The following DIAPH1 variants were observed in gnomAD, a reference collection of about 807,000 sequenced individuals.
DIAPH1 encodes the protein protein diaphanous homolog 1.
In DIAPH1, 46 loss-of-function variants were observed where a neutral mutation model predicts 140.7. The observed-to-expected ratio is 0.33, with a 90% CI of 0.26 to 0.42. The LOEUF is 0.42. Among genes scored for constraint, DIAPH1 ranks in the 10% least tolerant of loss-of-function variants. The pLI is 1.00. For synonymous variants in DIAPH1, 565 were observed against 551.6 expected (o/e 1.02, Z -0.34); for missense variants, 1,310 against 1,558.7 (o/e 0.84, Z 2.69).
chr5:141,572,191 G>T (rs1424774532), intron 16 of DIAPH1, 151 bp from the exon 17 acceptor site: 2 of 695,976 alleles, frequency 2.9e-6, no homozygotes, highest in East Asian at 2.7e-5. Flanking sequence ...AATAGCTGCA[G>T]TGGGATTAGG....
intron 18 of DIAPH1, 70 bp from the exon 19 acceptor site, chr5:141,534,503 G>T: frequency 1.6e-6 from 2 of 1,251,356 alleles, no homozygotes; most frequent in Non-Finnish European, 1.2e-6. Flanking sequence ...AGCAACTACT[G>T]TCCAGCGTGA....
chr5:141,572,396 G>A (rs1488739329), intron 16 of DIAPH1, among the ~76,000 whole-genome samples: 1 of 152,148 alleles, frequency 6.6e-6, no homozygotes, highest in Non-Finnish European at 1.5e-5. Context: ...CATTTTATGA[G>A]CAAATCCCTA....
At chr5:141,580,283 A>G (rs577321248) in intron 8 of DIAPH1, among the ~76,000 whole-genome samples, 2 of 152,328 alleles carry the variant, frequency 1.3e-5, no homozygotes, top group South Asian at 2.1e-4. Context: ...AAGGGAACGC[A>G]ATATGTTTGT....
At chr5:141,574,917 T>C in intron 15 of DIAPH1, 50 bp downstream of exon 15, 1 of 1,605,828 alleles carries the variant, frequency 6.2e-7, no homozygotes, top group Non-Finnish European at 8.5e-7. Context: ...TTCCAAGCCA[T>C]GTGCATCCTG....
chr5:141,553,945 C>T (rs2099892153), intron 18 of DIAPH1, among the ~76,000 whole-genome samples: 1 of 152,032 alleles, frequency 6.6e-6, no homozygotes. Flanking sequence ...GAACAAAATA[C>T]AGGACTGAAC....
intron 18 of DIAPH1, among the ~76,000 whole-genome samples, chr5:141,548,859 G>A (rs1329051686): frequency 1.3e-5 from 2 of 152,024 alleles, no homozygotes; most frequent in African/African-American, 2.4e-5. Context: ...TTATCTAGAG[G>A]GTAGTAAAAT....
At chr5:141,559,266 A>C (rs898390251) in intron 18 of DIAPH1, among the ~76,000 whole-genome samples, 1 of 152,224 alleles carries the variant, frequency 6.6e-6, no homozygotes, top group Admixed American at 6.5e-5. Flanking sequence ...TAAATTCAGC[A>C]CTTTAAAACA....
Position 141,524,246 on chromosome 5 carries a change from G to T in DIAPH1, c.3575-17C>A. On this transcript the variant is annotated splice_polypyrimidine_tract_variant and intron_variant, in intron 26 of 27. Coordinates refer to ENST00000389054, the MANE Select transcript of DIAPH1 (RefSeq NM_005219.5). Reference sequence around the variant, plus strand: ...CATCGCCCTCTGTTATAAAGAACAAGATGGAGATGTGAACTCTTCAGCCAG... The same window carrying T: ...CATCGCCCTCTGTTATAAAGAACAATATGGAGATGTGAACTCTTCAGCCAG... 2 of 1,610,080 alleles carry T rather than the reference G, an allele frequency of 1.2e-6. No homozygotes were observed. The highest frequency in any genetic ancestry group is 1.7e-6 in the Non-Finnish European group (2 of 1,176,274).
intron 18 of DIAPH1, chr5:141,561,729 G>A (rs927445269): frequency 2.0e-5 from 3 of 152,082 alleles, no homozygotes; most frequent in African/African-American, 7.2e-5. Context: ...ATTGTAATAA[G>A]GTGTACATAA....
At chr5:141,572,146 A>G in intron 16 of DIAPH1, 106 bp from the exon 17 acceptor site, 1 of 775,788 alleles carries the variant, frequency 1.3e-6, no homozygotes, top group Non-Finnish European at 2.3e-6. Flanking sequence ...ATTATCAGCA[A>G]TGTCTTACTA....
rs367669306 is a variant in DIAPH1 at position 141,573,886 on chromosome 5, G to T, written c.1964C>A (p.Pro655His). 25 of 1,545,092 alleles carry T rather than the reference G, an allele frequency of 1.6e-5. No individual in the cohort carries two copies. Among genetic ancestry groups the T allele is most frequent in the Middle Eastern group, 1.7e-4 (1 of 5,958 alleles). ...LSGDATIPPPPPLPEGVGIPS... is the reference protein window; with the variant it reads ...LSGDATIPPPHPLPEGVGIPS... ...GATGCCAACACCCTCAGGCAAAGGAGGGGGTGGAGGGATGGTAGCATCCCC... is the reference window on the plus strand; with the variant it reads ...GATGCCAACACCCTCAGGCAAAGGATGGGGTGGAGGGATGGTAGCATCCCC... The change falls in exon 16 of 28, where the codon CCT (proline) becomes CAT (histidine). Residue 655 changes from proline (P) to histidine (H), a missense_variant. Pro to His is a moderately conservative substitution (Grantham distance 77). Around this residue, in one of 3 missense-constraint regions of DIAPH1, gnomAD observed 589 missense variants for 549.3 expected, o/e 1.07. Transcript: ENST00000389054.
chr5:141,592,487 TAAC>T (rs200242814), intron 1 of DIAPH1, among the ~76,000 whole-genome samples: 66,132 of 143,944 alleles, frequency 0.46, 15,546 homozygotes, highest in African/African-American at 0.66. Flanking sequence ...CATGACAAGT[TAAC>T]AACAACAACA....
chr5:141,566,803 G>A (rs2099894441), intron 18 of DIAPH1, among the ~76,000 whole-genome samples: 1 of 152,192 alleles, frequency 6.6e-6, no homozygotes, highest in African/African-American at 2.4e-5. Context: ...GCTGAGGCAG[G>A]AGAATTGCTT....
chr5:141,569,667 CAGGAGA>C (rs1481522421), intron 18 of DIAPH1, among the ~76,000 whole-genome samples: 1 of 152,058 alleles, frequency 6.6e-6, no homozygotes, highest in African/African-American at 2.4e-5. Context: ...GAGGCTGAGG[CAGGAGA>C]ATCCCTTGAA....
At chr5:141,555,409 G>C (rs2099892409) in intron 18 of DIAPH1, among the ~76,000 whole-genome samples, 1 of 152,180 alleles carries the variant, frequency 6.6e-6, no homozygotes, top group Non-Finnish European at 1.5e-5. Context: ...CAGCAGTAAA[G>C]ACAGGCAGTC....
chr5:141,607,423 T>C (rs2099901147), intron 1 of DIAPH1, among the ~76,000 whole-genome samples: 1 of 152,244 alleles, frequency 6.6e-6, no homozygotes, highest in South Asian at 2.1e-4. Context: ...TAAACTTAAC[T>C]TTTTAAACTC....
At chr5:141,577,966 C>G in intron 11 of DIAPH1, 1 of 566,930 alleles carries the variant, frequency 1.8e-6, no homozygotes, top group Non-Finnish European at 3.2e-6. Flanking sequence ...GCTAAGCTAT[C>G]ACATTCTAGG....
rs76284251 is a variant in DIAPH1, at chr5:141,581,374, T to C, written c.685-491A>G. On this transcript the variant is annotated intron_variant, in intron 7 of 27. Transcript: ENST00000389054. Reference sequence around the variant, plus strand: ...GAGATAATAAATTTCTGTTAAGATATCTAATTTTGTGGTACACTAGCAAAT... The same window carrying C: ...GAGATAATAAATTTCTGTTAAGATACCTAATTTTGTGGTACACTAGCAAAT... Among the ~76,000 whole-genome samples, 1,949 of 152,322 alleles carry C rather than the reference T, an allele frequency of 0.013. 140 individuals carry two copies. The East Asian group carries it at 0.23, about 18-fold the overall frequency.
intron 27 of DIAPH1, among the ~76,000 whole-genome samples, chr5:141,520,637 C>T (rs2099886380): frequency 6.6e-6 from 1 of 152,178 alleles, no homozygotes; most frequent in Non-Finnish European, 1.5e-5. Context: ...TTATAAATTA[C>T]CCAGTCTCCA....
Sources: gnomAD v4.1 joint callset for allele counts (sites outside exome capture counted in the v4.1 genomes callset) on GRCh38, gnomAD v4.1.1 for gene constraint, gnomAD v4.1.1 regional missense constraint, MANE v1.5 for transcripts, NCBI Gene and HGNC (gene_info 2026-07-23, HGNC 2026-07-21) for gene names.